The following EYS variants were observed in gnomAD, a reference collection of about 807,000 sequenced individuals.
EYS encodes the protein protein eyes shut homolog.
EYS carries 250 observed loss-of-function variants against 282.1 expected under a neutral mutation model. The ratio of observed to expected loss-of-function variants is 0.89; its 90% CI spans 0.80 to 0.98. EYS has a LOEUF of 0.98. EYS is among the 50% of genes least tolerant of loss of function. The pLI is 0.00. For synonymous variants in EYS, 1,355 were observed against 1,282.9 expected, an observed-to-expected ratio of 1.06 and a Z score of -1.20; for missense variants, 4,016 against 3,709.0, an observed-to-expected ratio of 1.08 and a Z score of -2.15.
intron 19 of EYS, among the ~76,000 whole-genome samples, chr6:64,862,152 G>A (rs1348416135): frequency 1.3e-5 from 2 of 152,194 alleles, no homozygotes; most frequent in Non-Finnish European, 1.5e-5. Flanking sequence ...GATTTCGCAT[G>A]TGAAGTCAGG....
intron 28 of EYS, among the ~76,000 whole-genome samples, chr6:64,395,841 C>T (rs1288395466): frequency 6.6e-6 from 1 of 150,838 alleles, no homozygotes; most frequent in Non-Finnish European, 1.5e-5. Flanking sequence ...TTATAAAAGA[C>T]ACCTACATAG....
At chr6:65,194,329 C>T (rs999869329) in intron 12 of EYS, among the ~76,000 whole-genome samples, 1 of 151,726 alleles carries the variant, frequency 6.6e-6, no homozygotes, top group Non-Finnish European at 1.5e-5. Flanking sequence ...ATTAGAAAAA[C>T]GGTCTATAAA....
rs761276954 is a variant in EYS, at chr6:64,813,389, A to C, written c.3432T>G (p.Thr1144=). ...AAATAAATACTGACCTGCAGTCAAA[A>C]GTATGTCCAGGCCCATCAACACAGA... is the stretch of plus-strand genomic sequence containing the variant. The part of the protein sequence containing the change: ...GGICVDGPGH[T]FDCRCLPGFS... Residue 1144 remains threonine, a synonymous_variant, in exon 22 of 43, where the codon ACT becomes ACG. Transcript: ENST00000503581. 6.5e-7 allele frequency: 1 copy of C among 1,542,246 alleles called. No homozygotes were observed. Among genetic ancestry groups the C allele is most frequent in the African/African-American group, 1.4e-5 (1 of 72,458 alleles).
chr6:64,385,875 G>T (rs930456780), intron 29 of EYS, among the ~76,000 whole-genome samples: 5 of 152,040 alleles, frequency 3.3e-5, no homozygotes, highest in African/African-American at 1.2e-4. Flanking sequence ...TTCCATCTTT[G>T]GTTCTTGTGA....
At chr6:65,140,854 G>A (rs1197096941) in intron 12 of EYS, among the ~76,000 whole-genome samples, 1 of 148,124 alleles carries the variant, frequency 6.8e-6, no homozygotes, top group African/African-American at 2.5e-5. Flanking sequence ...AGGTGCTGGA[G>A]AGGATGTGGA....
intron 5 of EYS, among the ~76,000 whole-genome samples, chr6:65,437,999 C>G (rs1445347429): frequency 6.8e-6 from 1 of 147,168 alleles, no homozygotes; most frequent in Non-Finnish European, 1.5e-5. Flanking sequence ...AATGCTATCC[C>G]TCTCCCCTCC....
chr6:65,446,840 T>C (rs935749318), intron 5 of EYS, among the ~76,000 whole-genome samples: 1 of 149,330 alleles, frequency 6.7e-6, no homozygotes, highest in African/African-American at 2.4e-5. Flanking sequence ...ACAAGCAAAT[T>C]TTCTGTTTTT....
At chr6:64,953,318 C>T (rs1410673176) in intron 14 of EYS, among the ~76,000 whole-genome samples, 1 of 151,572 alleles carries the variant, frequency 6.6e-6, no homozygotes, top group Non-Finnish European at 1.5e-5. Flanking sequence ...TCTTTCTGAT[C>T]ATTATTTATG....
intron 36 of EYS, among the ~76,000 whole-genome samples, chr6:63,859,637 A>G (rs1321891465): frequency 2.0e-5 from 3 of 150,802 alleles, no homozygotes; most frequent in Non-Finnish European, 4.4e-5. Context: ...TGCTACTGCC[A>G]CCAGAAAAAA....
At position 65,405,387 on chromosome 6, in the gene EYS, A is replaced by G; in HGVS notation, c.863-20T>C. On this transcript the variant is annotated intron_variant, in intron 5 of 42. Transcript: ENST00000503581. ...ATGGACCTTAAAAAAATCACACACA[A>G]GAAAAAAAAAGAAAAGGAAGGAAGG... is the stretch of plus-strand genomic sequence containing the variant. 2 of 1,542,334 alleles carry G rather than the reference A, an allele frequency of 1.3e-6. No homozygotes were observed. The highest frequency in any genetic ancestry group is 1.8e-6 in the Non-Finnish European group (2 of 1,135,188).
chr6:65,264,963 T>C (rs147880028), intron 12 of EYS, among the ~76,000 whole-genome samples: 2 of 152,066 alleles, frequency 1.3e-5, no homozygotes, highest in African/African-American at 4.8e-5. Flanking sequence ...TGCATTAGTA[T>C]ACAATGCAAT....
intron 31 of EYS, among the ~76,000 whole-genome samples, chr6:64,110,577 C>T (rs1773173362): frequency 6.6e-6 from 1 of 151,874 alleles, no homozygotes. Context: ...TCTGAAGATG[C>T]ACATTTTAGA....
chr6:64,398,281 C>T (rs1014501200), intron 28 of EYS, among the ~76,000 whole-genome samples: 6 of 151,798 alleles, frequency 4.0e-5, no homozygotes, highest in African/African-American at 7.3e-5. Context: ...ATAGGTCAAT[C>T]CTGTAAATGA....
chr6:64,605,448 C>T (rs1766897247), intron 24 of EYS, among the ~76,000 whole-genome samples: 1 of 151,914 alleles, frequency 6.6e-6, no homozygotes, highest in Non-Finnish European at 1.5e-5. Context: ...CTGTGTCAGT[C>T]ATCATATCAG....
intron 2 of EYS, among the ~76,000 whole-genome samples, chr6:65,540,850 G>A (rs10944815): frequency 0.15 from 23,433 of 151,992 alleles, 2,288 homozygotes; most frequent in East Asian, 0.28. Flanking sequence ...TTGAATCCGG[G>A]AAGCGGAGGT....
At chr6:64,420,220 C>A (rs1397151510) in intron 28 of EYS, among the ~76,000 whole-genome samples, 1 of 148,806 alleles carries the variant, frequency 6.7e-6, no homozygotes, top group Non-Finnish European at 1.5e-5. Context: ...CAGAACTGTA[C>A]CATGTGACTT....
At chr6:65,296,240 G>C (rs1365389184) in intron 11 of EYS, 121 bp from the exon 12 acceptor site, 1 of 1,080,330 alleles carries the variant, frequency 9.3e-7, no homozygotes, top group African/African-American at 1.6e-5. Flanking sequence ...GATAGTTGTG[G>C]GGTGCATTTA....
At chr6:65,091,032 C>T (rs568588248) in intron 12 of EYS, among the ~76,000 whole-genome samples, 4 of 151,914 alleles carry the variant, frequency 2.6e-5, no homozygotes, top group Non-Finnish European at 4.4e-5. Flanking sequence ...ATTAATTGTA[C>T]ATGATTAAAC....
rs368309010 is a variant in EYS, at chr6:64,988,131, C to CA, written c.2259+9450dup. ...GGGAGATTTTCTTGCTCTGAGAGGG[C>CA]AAAAAAAAAAGACCAGCAACTTAAA... On this transcript the variant is annotated intron_variant, in intron 14 of 42. Transcript: ENST00000503581. Among the ~76,000 whole-genome samples, 593 of 140,146 alleles carry CA rather than the reference C, an allele frequency of 4.2e-3. 5 individuals carry two copies. The highest frequency in any genetic ancestry group is 0.014 in the African/African-American group (541 of 38,408). The allele number at this position is 140,146 out of a possible 152,430, so 91.9% of individuals were successfully genotyped here. A position where few individuals can be genotyped will look rare whatever the true frequency, so the allele number is the denominator to read the frequency against.
Sources: allele counts gnomAD v4.1 joint callset (sites outside exome capture counted in the v4.1 genomes callset), GRCh38; gene constraint gnomAD v4.1.1; transcripts MANE v1.5; gene names NCBI Gene and HGNC (gene_info 2026-07-23, HGNC 2026-07-21).